KIAA1549L: variants seen among roughly 807,000 people sequenced by gnomAD.
The protein encoded by KIAA1549L is UPF0606 protein KIAA1549L.
A neutral mutation model predicts 160.7 loss-of-function variants in KIAA1549L; 88 were observed. The ratio of observed to expected loss-of-function variants is 0.55; its 90% confidence interval spans 0.46 to 0.65. The LOEUF is 0.65. Ranked by LOEUF, KIAA1549L falls within the 30% of genes least tolerant of loss-of-function variation. KIAA1549L has a pLI of 0.00. For missense variants in KIAA1549L, 2,258 were observed against 2,437.5 expected, an observed-to-expected ratio of 0.93 and a Z score of 1.55; for synonymous variants, 950 against 976.7, an observed-to-expected ratio of 0.97 and a Z score of 0.51.
At chr11:33,466,973 G>T (rs1418812954) in intron 1 of KIAA1549L, among the ~76,000 whole-genome samples, 1 of 150,128 alleles carries the variant, frequency 6.7e-6, no homozygotes, top group African/African-American at 2.5e-5. Flanking sequence ...CTGTTGGGGG[G>T]TGGGGGGTTG....
intron 1 of KIAA1549L, among the ~76,000 whole-genome samples, chr11:33,420,936 G>A (rs1008462682): frequency 3.9e-5 from 6 of 152,090 alleles, no homozygotes; most frequent in African/African-American, 1.4e-4. Context: ...TGGAACCCAT[G>A]GGAGGGTGAC....
intron 1 of KIAA1549L, among the ~76,000 whole-genome samples, chr11:33,505,884 C>T (rs2133096079): frequency 6.6e-6 from 1 of 152,170 alleles, no homozygotes; most frequent in Admixed American, 6.5e-5. Context: ...CGATAATAAT[C>T]GATTATATTT....
chr11:33,577,227 G>C (rs1190234215), intron 10 of KIAA1549L, among the ~76,000 whole-genome samples: 1 of 152,180 alleles, frequency 6.6e-6, no homozygotes, highest in African/African-American at 2.4e-5. Context: ...GACCTTAGCA[G>C]GAGTGGTTTT....
rs559985269 is a variant in KIAA1549L, at chr11:33,436,224, G to A, written c.238+59335G>A. 3.9e-5 allele frequency among the ~76,000 whole-genome samples: 6 copies of A among 152,162 alleles called. No individual in the cohort carries two copies. The South Asian group carries it at 6.2e-4, about 16-fold the overall frequency. ...AGATACTGAGGGAAGACCATAAAAC[G>A]TAATATGCATAATACATATTATATA... On this transcript the variant is annotated intron_variant, in intron 1 of 20. Coordinates refer to ENST00000658780, the MANE Select transcript of KIAA1549L (RefSeq NM_012194.3).
intron 1 of KIAA1549L, among the ~76,000 whole-genome samples, chr11:33,484,631 T>C (rs912471205): frequency 1.4e-4 from 21 of 151,732 alleles, no homozygotes; most frequent in African/African-American, 5.1e-4. Flanking sequence ...CTTTGCACCA[T>C]GCTGGACGGA....
chr11:33,431,133 C>G (rs1249514697), intron 1 of KIAA1549L, among the ~76,000 whole-genome samples: 2 of 151,814 alleles, frequency 1.3e-5, no homozygotes, highest in East Asian at 3.9e-4. Flanking sequence ...CTGGTGGGCT[C>G]GTGGGCTCGC....
chr11:33,476,785 A>T (rs1198883530), intron 1 of KIAA1549L, among the ~76,000 whole-genome samples: 10 of 151,604 alleles, frequency 6.6e-5, no homozygotes, highest in Non-Finnish European at 1.3e-4. Context: ...TTACAAATAA[A>T]CTCTCCTAAC....
intron 1 of KIAA1549L, among the ~76,000 whole-genome samples, chr11:33,435,794 A>ATATATATATATGTGTGTGTGTGTGTG: frequency 3.1e-5 from 1 of 32,338 alleles, no homozygotes; most frequent in Admixed American, 3.2e-4. Flanking sequence ...ATATATATAT[A>ATATATATATATGTGTGTGTGTGTGTG]TATATATATA....
intron 1 of KIAA1549L, among the ~76,000 whole-genome samples, chr11:33,407,080 C>CCTTTTT (rs1491483483): frequency 1.3e-5 from 1 of 79,586 alleles, no homozygotes; most frequent in Non-Finnish European, 2.4e-5. Flanking sequence ...TTTCTTTTTT[C>CCTTTTT]ATTTTTTTTT....
chr11:33,545,466 C>G, intron 3 of KIAA1549L, 88 bp downstream of exon 3: 1 of 1,420,296 alleles, frequency 7.0e-7, no homozygotes. Flanking sequence ...TGGTCCTCAA[C>G]CAGGGGACAT....
At chr11:33,582,316 A>G (rs991674976) in intron 10 of KIAA1549L, among the ~76,000 whole-genome samples, 4 of 152,156 alleles carry the variant, frequency 2.6e-5, no homozygotes, top group African/African-American at 9.7e-5. Context: ...GAAATCAGAG[A>G]GGAAGACTGG....
chr11:33,403,404 G>GGACAGAC (rs1850573776), intron 1 of KIAA1549L: 2 of 111,140 alleles, frequency 1.8e-5, no homozygotes, highest in Non-Finnish European at 3.9e-5. Context: ...CATGGACATG[G>GGACAGAC]ACACACAGAC....
At chr11:33,482,860 C>A (rs901284968) in intron 1 of KIAA1549L, among the ~76,000 whole-genome samples, 1 of 152,096 alleles carries the variant, frequency 6.6e-6, no homozygotes, top group Non-Finnish European at 1.5e-5. Flanking sequence ...TGAGCCACAG[C>A]ACCTGTTGCT....
intron 1 of KIAA1549L, among the ~76,000 whole-genome samples, chr11:33,429,108 AT>A (rs1851179844): frequency 6.6e-6 from 1 of 152,140 alleles, no homozygotes; most frequent in African/African-American, 2.4e-5. Context: ...AGTACCTGGG[AT>A]TACAGGCACC....
chr11:33,466,022 T>C (rs769404349), intron 1 of KIAA1549L, among the ~76,000 whole-genome samples: 1 of 152,250 alleles, frequency 6.6e-6, no homozygotes, highest in African/African-American at 2.4e-5. Flanking sequence ...TGCCTTATTA[T>C]AGAACAAAAC....
At chr11:33,490,449 G>A (rs992083310) in intron 1 of KIAA1549L, among the ~76,000 whole-genome samples, 2 of 151,090 alleles carry the variant, frequency 1.3e-5, no homozygotes, top group Admixed American at 6.6e-5. Context: ...TCAGCCTCCC[G>A]AGTAGCTGGG....
chr11:33,494,459 C>T (rs990439853), intron 1 of KIAA1549L, among the ~76,000 whole-genome samples: 12 of 152,188 alleles, frequency 7.9e-5, no homozygotes, highest in Non-Finnish European at 1.3e-4. Context: ...CCAACATATT[C>T]GTTTTTCTTC....
intron 11 of KIAA1549L, among the ~76,000 whole-genome samples, chr11:33,586,575 G>A (rs1849885727): frequency 6.6e-6 from 1 of 152,118 alleles, no homozygotes; most frequent in South Asian, 2.1e-4. Context: ...TTCCCTGGAA[G>A]AGGCCACCTT....
intron 16 of KIAA1549L, among the ~76,000 whole-genome samples, chr11:33,631,907 A>G (rs989048264): frequency 1.3e-5 from 2 of 152,192 alleles, no homozygotes; most frequent in Non-Finnish European, 2.9e-5. Context: ...TTGTTGGGCA[A>G]ATGAACAAAC....
Sources: allele counts gnomAD v4.1 joint callset (sites outside exome capture counted in the v4.1 genomes callset), GRCh38; gene constraint gnomAD v4.1.1; transcripts MANE v1.5; gene names NCBI Gene and HGNC (gene_info 2026-07-23, HGNC 2026-07-21).